Variants in ZNF521 observed in about 807,000 individuals in gnomAD.
ZNF521 encodes zinc finger protein 521.
A neutral mutation model predicts 105.5 loss-of-function variants in ZNF521; 14 were observed. That is an observed-to-expected ratio of 0.13 (90% CI 0.09 to 0.21). The LOEUF is 0.21. Ranked by LOEUF, ZNF521 falls within the 10% of genes least tolerant of loss-of-function variation. The probability of loss-of-function intolerance (pLI) is 1.00; values close to 1 mark genes in which losing one functional copy is unlikely to be tolerated. For missense variants in ZNF521, 1,233 were observed against 1,629.7 expected, an observed-to-expected ratio of 0.76 and a Z score of 4.19; for synonymous variants, 635 against 606.0, an observed-to-expected ratio of 1.05 and a Z score of -0.70.
At chr18:25,252,383 T>A (rs1354764216) in intron 3 of ZNF521, among the ~76,000 whole-genome samples, 1 of 152,178 alleles carries the variant, frequency 6.6e-6, no homozygotes, top group Non-Finnish European at 1.5e-5. Context: ...TACCTATTTT[T>A]CCATCTGCTC....
chr18:25,094,648 G>T (rs1448376616), intron 5 of ZNF521, among the ~76,000 whole-genome samples: 1 of 152,026 alleles, frequency 6.6e-6, no homozygotes, highest in African/African-American at 2.4e-5. Context: ...GTCTTTCCTA[G>T]TTACTGATCT....
intron 5 of ZNF521, among the ~76,000 whole-genome samples, chr18:25,101,404 G>C (rs193015315): frequency 6.6e-6 from 1 of 152,254 alleles, no homozygotes; most frequent in East Asian, 1.9e-4. Flanking sequence ...AGAATGAGGA[G>C]AAGGGGTTTG....
intron 3 of ZNF521, among the ~76,000 whole-genome samples, chr18:25,318,231 C>T (rs1001317202): frequency 9.9e-5 from 15 of 151,958 alleles, no homozygotes; most frequent in African/African-American, 3.1e-4. Context: ...GGGTGCACGC[C>T]GTACAATTTC....
At chr18:25,077,332 T>G (rs901202631) in intron 7 of ZNF521, among the ~76,000 whole-genome samples, 9 of 152,222 alleles carry the variant, frequency 5.9e-5, no homozygotes, top group African/African-American at 2.2e-4. Context: ...GATGGCATGC[T>G]GATTGCTATT....
At chr18:25,117,083 ATACACAC>A (rs1567968941) in intron 5 of ZNF521, among the ~76,000 whole-genome samples, 152 of 9,204 alleles carry the variant, frequency 0.017, no homozygotes, top group South Asian at 0.041. Flanking sequence ...ACACACACAC[ATACACAC>A]ATCCTTAATT....
Position 25,247,418 on chromosome 18 carries a change from G to C in ZNF521, c.221-19721C>G, listed in dbSNP as rs374855731. On this transcript the variant is annotated intron_variant, in intron 3 of 7. Transcript: ENST00000361524. ...ACAAATGCAAACATTTGTGATCAGG[G>C]AATCAATGGTGTAAAATGACTACAA... is the stretch of plus-strand genomic sequence containing the variant. Among the ~76,000 whole-genome samples, 12 of 152,270 alleles carry C rather than the reference G, an allele frequency of 7.9e-5. No homozygotes were observed. In the East Asian group the frequency reaches 2.3e-3, roughly 29 times the overall value.
rs998592654 is a variant in ZNF521 at position 25,350,891 on chromosome 18, G to A, written c.40+16C>T. On this transcript the variant is annotated intron_variant, in intron 2 of 7. Coordinates refer to ENST00000361524, the MANE Select transcript of ZNF521 (RefSeq NM_015461.3). ...CGCGGATGGGGGAAAGCGGGGAGCA[G>A]GGGGTTCCTCCTTACCTTTGAGGGA... is the stretch of plus-strand genomic sequence containing the variant. 1.3e-6 allele frequency: 2 copies of A among 1,547,948 alleles called. No individual in the cohort carries two copies. Among genetic ancestry groups the A allele is most frequent in the South Asian group, 1.2e-5 (1 of 83,770 alleles).
At chr18:25,103,761 A>C (rs1425725997) in intron 5 of ZNF521, among the ~76,000 whole-genome samples, 2 of 129,858 alleles carry the variant, frequency 1.5e-5, no homozygotes, top group Non-Finnish European at 3.2e-5. Flanking sequence ...AGAAGGAGTA[A>C]GGGAGGGAAG....
At chr18:25,206,858 G>T (rs1408048245) in intron 4 of ZNF521, among the ~76,000 whole-genome samples, 3 of 151,970 alleles carry the variant, frequency 2.0e-5, no homozygotes, top group Non-Finnish European at 4.4e-5. Flanking sequence ...CAATGCTGTG[G>T]GTGCTGACTT....
chr18:25,094,650 T>C (rs1400222211), intron 5 of ZNF521, among the ~76,000 whole-genome samples: 6 of 152,142 alleles, frequency 3.9e-5, no homozygotes, highest in African/African-American at 1.4e-4. Context: ...CTTTCCTAGT[T>C]ACTGATCTCC....
intron 3 of ZNF521, among the ~76,000 whole-genome samples, chr18:25,270,493 A>G (rs1426257649): frequency 6.6e-6 from 1 of 152,174 alleles, no homozygotes; most frequent in Admixed American, 6.5e-5. Context: ...TTTCAGGCCA[A>G]TATCGCTGAT....
intron 5 of ZNF521, among the ~76,000 whole-genome samples, chr18:25,149,218 G>T (rs929979654): frequency 2.0e-5 from 3 of 152,088 alleles, no homozygotes; most frequent in Admixed American, 6.6e-5. Flanking sequence ...CGGTATGAAG[G>T]GGAAGACAGG....
At chr18:25,303,591 T>C (rs1381938504) in intron 3 of ZNF521, among the ~76,000 whole-genome samples, 1 of 152,166 alleles carries the variant, frequency 6.6e-6, no homozygotes, top group Admixed American at 6.5e-5. Context: ...CCACCACGCC[T>C]GGCCTGAAAC....
chr18:25,075,388 T>C (rs1170850617), intron 7 of ZNF521, among the ~76,000 whole-genome samples: 1 of 152,212 alleles, frequency 6.6e-6, no homozygotes, highest in African/African-American at 2.4e-5. Context: ...GAGTCTGCAT[T>C]GTGGTGCTTC....
intron 3 of ZNF521, among the ~76,000 whole-genome samples, chr18:25,247,241 A>G (rs1024259673): frequency 2.6e-5 from 4 of 152,206 alleles, no homozygotes; most frequent in Admixed American, 1.3e-4. Context: ...CAGGAATGTT[A>G]ATAGACCCCT....
intron 3 of ZNF521, among the ~76,000 whole-genome samples, chr18:25,284,935 G>C (rs1036601200): frequency 7.0e-6 from 1 of 142,044 alleles, no homozygotes; most frequent in Non-Finnish European, 1.5e-5. Flanking sequence ...CACACACACA[G>C]GGAGGCATCA....
chr18:25,305,212 T>C (rs183259106), intron 3 of ZNF521, among the ~76,000 whole-genome samples: 2 of 152,334 alleles, frequency 1.3e-5, no homozygotes, highest in East Asian at 1.9e-4. Context: ...ACCAATTCCA[T>C]GATGCTTACG....
chr18:25,281,377 G>A (rs904310552), intron 3 of ZNF521, among the ~76,000 whole-genome samples: 13 of 152,200 alleles, frequency 8.5e-5, no homozygotes, highest in African/African-American at 3.1e-4. Flanking sequence ...GGAGGGTCTT[G>A]CTTTCTAACT....
At position 25,116,200 on chromosome 18, in the gene ZNF521, C is replaced by T. The variant is rs80233953; in HGVS notation, c.3659-24119G>A. Among the ~76,000 whole-genome samples, 1,390 of 152,086 alleles carry T rather than the reference C, an allele frequency of 9.1e-3. 23 individuals are homozygous for T. The highest frequency in any genetic ancestry group is 0.03 in the African/African-American group (1,253 of 41,510). On this transcript the variant is annotated intron_variant, in intron 5 of 7. Transcript: ENST00000361524. ...AAAATGCTCTTATCAGTGGCCCTACCCAGAAGCTGTGCTAAATGATCAGGG... is the reference window on the plus strand; with the variant it reads ...AAAATGCTCTTATCAGTGGCCCTACTCAGAAGCTGTGCTAAATGATCAGGG...
Sources: allele counts gnomAD v4.1 joint callset (sites outside exome capture counted in the v4.1 genomes callset), GRCh38; gene constraint gnomAD v4.1.1; transcripts MANE v1.5; gene names NCBI Gene and HGNC (gene_info 2026-07-23, HGNC 2026-07-21).